Variants in SEC22A observed in about 807,000 individuals in gnomAD.
SEC22A encodes the protein vesicle-trafficking protein SEC22a.
A neutral mutation model predicts 35.3 loss-of-function variants in SEC22A; 22 were observed. The observed-to-expected ratio is 0.62, with a 90% CI of 0.45 to 0.89. SEC22A has a LOEUF of 0.89. Among genes scored for constraint, SEC22A ranks in the 40% least tolerant of loss-of-function variants. SEC22A has a pLI of 0.00. For missense variants in SEC22A, 354 were observed against 362.5 expected (o/e 0.98, Z 0.19); for synonymous variants, 119 against 129.5 (o/e 0.92, Z 0.55).
At chr3:123,215,724 T>C (rs1286485917) in intron 2 of SEC22A, among the ~76,000 whole-genome samples, 1 of 152,190 alleles carries the variant, frequency 6.6e-6, no homozygotes, top group Non-Finnish European at 1.5e-5. Context: ...CGCATTATTA[T>C]CTGGTAAAAA....
chr3:123,223,426 G>A (rs1449358167), intron 2 of SEC22A, 133 bp from the exon 3 acceptor site: 1 of 665,720 alleles, frequency 1.5e-6, no homozygotes, highest in Non-Finnish European at 2.4e-6. Flanking sequence ...TTTTTTCCTA[G>A]AATATATAAT....
At chr3:123,213,859 G>GA (rs887331446) in intron 2 of SEC22A, among the ~76,000 whole-genome samples, 5 of 150,538 alleles carry the variant, frequency 3.3e-5, no homozygotes, top group South Asian at 2.1e-4. Flanking sequence ...GAGTTTGAAG[G>GA]AAAAAAAAAT....
chr3:123,206,023 A>G (rs186740018), intron 1 of SEC22A, among the ~76,000 whole-genome samples: 1 of 152,250 alleles, frequency 6.6e-6, no homozygotes, highest in Non-Finnish European at 1.5e-5. Flanking sequence ...TGAAGACTAC[A>G]TGAAATTTGG....
intron 4 of SEC22A, among the ~76,000 whole-genome samples, chr3:123,236,463 G>T (rs1348201957): frequency 6.6e-6 from 1 of 152,292 alleles, no homozygotes; most frequent in Non-Finnish European, 1.5e-5. Flanking sequence ...GAGGCCCAGA[G>T]AGATGAGCCC....
At chr3:123,223,831 T>C in intron 3 of SEC22A, 109 bp downstream of exon 3, 2 of 753,468 alleles carry the variant, frequency 2.7e-6, no homozygotes, top group Non-Finnish European at 2.1e-6. Context: ...GCTTTTGATA[T>C]AATAATTTGG....
intron 5 of SEC22A, among the ~76,000 whole-genome samples, chr3:123,258,260 G>A (rs1424119091): frequency 6.6e-6 from 1 of 152,064 alleles, no homozygotes; most frequent in African/African-American, 2.4e-5. Context: ...TACATATACA[G>A]AAAAGACTGG....
chr3:123,246,554 A>G (rs757824600), intron 5 of SEC22A, among the ~76,000 whole-genome samples: 22 of 152,232 alleles, frequency 1.4e-4, no homozygotes, highest in Non-Finnish European at 2.8e-4. Flanking sequence ...TGAGCTTCCT[A>G]GAAAACCACA....
At chr3:123,216,191 G>A (rs12493831) in intron 2 of SEC22A, among the ~76,000 whole-genome samples, 2,294 of 152,304 alleles carry the variant, frequency 0.015, 32 homozygotes, top group Admixed American at 0.049. Context: ...GTGGGAAAAT[G>A]AGATCTAGAT....
chr3:123,217,167 G>T (rs1305616261), intron 2 of SEC22A, among the ~76,000 whole-genome samples: 1 of 151,378 alleles, frequency 6.6e-6, no homozygotes, highest in East Asian at 2.0e-4. Flanking sequence ...TTATTTTAGA[G>T]AATGGAATTC....
At chr3:123,231,606 T>C (rs1276841273) in intron 4 of SEC22A, among the ~76,000 whole-genome samples, 1 of 151,976 alleles carries the variant, frequency 6.6e-6, no homozygotes, top group East Asian at 1.9e-4. Context: ...AAAAGGGAAA[T>C]GCGTACTTTG....
At chr3:123,236,277 T>C (rs1937417796) in intron 4 of SEC22A, among the ~76,000 whole-genome samples, 1 of 152,092 alleles carries the variant, frequency 6.6e-6, no homozygotes, top group Non-Finnish European at 1.5e-5. Flanking sequence ...AGTGATGGAG[T>C]AGGTAATTCA....
At position 123,272,437 on chromosome 3, in the gene SEC22A, A is replaced by T. The variant is rs1195850102; in HGVS notation, c.*715A>T. On this transcript the variant is annotated 3_prime_UTR_variant, in exon 7 of 7. Transcript: ENST00000492595. ...CTCACACTATAGCCGTTGTTTCCCA[A>T]ACTTCAGTCTCTTTAGTACTACTTG... 1.3e-5 allele frequency: 2 copies of T among 152,170 alleles called. No homozygotes were observed. Among genetic ancestry groups the T allele is most frequent in the Non-Finnish European group, 2.9e-5 (2 of 68,034 alleles). 9.4% of individuals were successfully genotyped at this position (152,170 alleles called of 1,614,324 possible).
At chr3:123,227,224 A>G (rs898366618) in intron 4 of SEC22A, among the ~76,000 whole-genome samples, 5 of 90,226 alleles carry the variant, frequency 5.5e-5, no homozygotes, top group African/African-American at 1.4e-4. Context: ...AGGCTTTAGG[A>G]AAAAAAAAAA....
chr3:123,252,287 A>T (rs549144740), intron 5 of SEC22A, among the ~76,000 whole-genome samples: 1 of 152,186 alleles, frequency 6.6e-6, no homozygotes, highest in East Asian at 1.9e-4. Flanking sequence ...GTCACTCTGG[A>T]TAATTTTTGG....
At chr3:123,231,360 GTTC>G (rs779883245) in intron 4 of SEC22A, among the ~76,000 whole-genome samples, 21 of 152,158 alleles carry the variant, frequency 1.4e-4, no homozygotes, top group Non-Finnish European at 2.8e-4. Flanking sequence ...CAGAATTTAT[GTTC>G]TTCTCAAGTG....
At chr3:123,270,945 T>TA (rs1938146606) in intron 6 of SEC22A, among the ~76,000 whole-genome samples, 1 of 152,260 alleles carries the variant, frequency 6.6e-6, no homozygotes. Context: ...TTGTTTTACT[T>TA]ACAACTGAAG....
intron 4 of SEC22A, among the ~76,000 whole-genome samples, chr3:123,236,166 G>C (rs1161966913): frequency 6.6e-6 from 1 of 152,098 alleles, no homozygotes; most frequent in Non-Finnish European, 1.5e-5. Flanking sequence ...CTCCTGAATT[G>C]TGTGTTTTAA....
At chr3:123,210,013 A>G (rs1393516029) in intron 2 of SEC22A, among the ~76,000 whole-genome samples, 1 of 152,244 alleles carries the variant, frequency 6.6e-6, no homozygotes. Context: ...CTGAAGAATT[A>G]TGGACAATTA....
chr3:123,236,740 G>C (rs919156008), intron 4 of SEC22A, among the ~76,000 whole-genome samples: 1 of 151,976 alleles, frequency 6.6e-6, no homozygotes, highest in African/African-American at 2.4e-5. Context: ...AAAATAAAAT[G>C]TTTGGCAAAC....
Sources: allele counts gnomAD v4.1 joint callset (sites outside exome capture counted in the v4.1 genomes callset), GRCh38; gene constraint gnomAD v4.1.1; transcripts MANE v1.5; gene names NCBI Gene and HGNC (gene_info 2026-07-23, HGNC 2026-07-21).